SLC26A11: variants seen among roughly 807,000 people sequenced by gnomAD.
SLC26A11 encodes sodium-independent sulfate anion transporter.
In SLC26A11, 58 loss-of-function variants were observed where a neutral mutation model predicts 62.2. The observed-to-expected ratio is 0.93, with a 90% CI of 0.76 to 1.16. The LOEUF is 1.16. SLC26A11 is among the 50% of genes most tolerant of loss of function. SLC26A11 has a pLI of 0.00. For missense variants in SLC26A11, 790 were observed against 794.3 expected, an observed-to-expected ratio of 0.99 and a Z score of 0.06; for synonymous variants, 411 against 368.9, an observed-to-expected ratio of 1.11 and a Z score of -1.31.
intron 7 of SLC26A11, among the ~76,000 whole-genome samples, chr17:80,231,144 TTTTTTTTTTTTTTTCAAAAAAAA>T (rs1196279072): frequency 3.4e-4 from 12 of 35,250 alleles, no homozygotes; most frequent in Middle Eastern, 0.014. Flanking sequence ...CTTTATCCTT[TTTTTTTTTTTTTTTCAAAAAAAA>T]TTTTTTTTTT....
chr17:80,226,015 CA>C lies in SLC26A11; in HGVS notation c.593+102del, dbSNP rs534723272. On this transcript the variant is annotated intron_variant, in intron 6 of 17. Transcript: ENST00000361193. Reference sequence around the variant, plus strand: ...AGTTTCCCCACCCCTGGTGACTGCTCAAACAGGGGTCCCCAGAGCAGCCCCA... The same window carrying C: ...AGTTTCCCCACCCCTGGTGACTGCTCAACAGGGGTCCCCAGAGCAGCCCCA... 467 of 1,078,204 alleles carry C rather than the reference CA, an allele frequency of 4.3e-4. 1 individual carries two copies. The African/African-American group carries it at 6.6e-3, about 15-fold the overall frequency. The allele number at this position is 1,078,204 out of a possible 1,614,324, so 66.8% of individuals were successfully genotyped here.
In SLC26A11 at chr17:80,225,823, C is replaced by CTG. The variant is rs757370379; in HGVS notation, c.514-10_514-9dup. The CTG allele has an allele frequency of 1.2e-5, 20 of 1,612,756 alleles. No individual in the cohort carries two copies. Among genetic ancestry groups the CTG allele is most frequent in the Non-Finnish European group, 1.6e-5 (19 of 1,178,990 alleles). The stretch of plus-strand genomic sequence containing the variant: ...GGAGCATAGCCTCTGATCAGCATCT[C>CTG]TGTGTTTGGACAGAACCTGCTGGGA... On this transcript the variant is annotated splice_polypyrimidine_tract_variant and intron_variant, in intron 5 of 17. Coordinates refer to ENST00000361193, the MANE Select transcript of SLC26A11 (RefSeq NM_001166347.2).
rs2043013089 is a variant in SLC26A11, at chr17:80,246,819, T to C, written c.1294+170T>C. On this transcript the variant is annotated intron_variant, in intron 13 of 17. Transcript: ENST00000361193. This position sits in a 1 kb window ranked among gnomAD's most constrained non-coding sequence, Gnocchi z 4.4. The stretch of plus-strand genomic sequence containing the variant: ...GGCCAGGAGATGGCCCCAGAGATGG[T>C]CCCGAGGCTCAGTGGGAAGAGCTGG... 6.6e-6 allele frequency among the ~76,000 whole-genome samples: 1 copy of C among 152,136 alleles called. No individual in the cohort carries two copies. The highest frequency in any genetic ancestry group is 1.5e-5 in the Non-Finnish European group (1 of 68,020).
At chr17:80,243,449 G>A (rs1300108476) in intron 10 of SLC26A11, among the ~76,000 whole-genome samples, 1 of 151,946 alleles carries the variant, frequency 6.6e-6, no homozygotes, top group Non-Finnish European at 1.5e-5. Context: ...CCAGGCTGGA[G>A]TGCAGTGGCA....
intron 3 of SLC26A11, 123 bp downstream of exon 3, chr17:80,221,917 TAC>T: frequency 9.5e-7 from 1 of 1,048,648 alleles, no homozygotes; most frequent in Non-Finnish European, 1.4e-6. Context: ...ACCTTTGGTT[TAC>T]AGTGTGTGAC....
In SLC26A11 at chr17:80,253,343, C is replaced by G. The variant is rs1352252429; in HGVS notation, c.*627C>G. Reference sequence around the variant, plus strand: ...TGGGTGATCATTCCAGACCCCTCCCCAAACATGCATATGTACCTGTCCGTC... The same window carrying G: ...TGGGTGATCATTCCAGACCCCTCCCGAAACATGCATATGTACCTGTCCGTC... On this transcript the variant is annotated 3_prime_UTR_variant, in exon 18 of 18. Coordinates refer to ENST00000361193, the MANE Select transcript of SLC26A11 (RefSeq NM_001166347.2). 1.3e-5 allele frequency: 2 copies of G among 152,266 alleles called. No individual in the cohort carries two copies. The highest frequency in any genetic ancestry group is 2.9e-5 in the Non-Finnish European group (2 of 68,112). 9.4% of individuals were successfully genotyped at this position (152,266 alleles called of 1,614,324 possible).
Position 80,253,416 on chromosome 17 carries a change from T to C in SLC26A11, c.*700T>C, listed in dbSNP as rs1031668349. 16 of 152,238 alleles carry C rather than the reference T, an allele frequency of 1.1e-4. No individual in the cohort carries two copies. The highest frequency in any genetic ancestry group is 3.9e-4 in the African/African-American group (16 of 41,466). The allele number at this position is 152,238 out of a possible 1,614,324, so 9.4% of individuals were successfully genotyped here. A position where few individuals can be genotyped will look rare whatever the true frequency, so the allele number is the denominator to read the frequency against. Reference sequence around the variant, plus strand: ...GTTCTACATAAATGGGATCATTTTATACATGGTGCTCTGGAACCCACATTT... The same window carrying C: ...GTTCTACATAAATGGGATCATTTTACACATGGTGCTCTGGAACCCACATTT... On this transcript the variant is annotated 3_prime_UTR_variant, in exon 18 of 18. Coordinates refer to ENST00000361193, the MANE Select transcript of SLC26A11 (RefSeq NM_001166347.2).
chr17:80,227,779 G>T (rs778983052), intron 6 of SLC26A11, 39 bp from the exon 7 acceptor site: 1 of 1,595,290 alleles, frequency 6.3e-7, no homozygotes, highest in Non-Finnish European at 8.5e-7. Flanking sequence ...GTAGGCCTGG[G>T]CCGAGCTGGG....
intron 13 of SLC26A11, among the ~76,000 whole-genome samples, chr17:80,247,321 C>G (rs577999402): frequency 2.4e-4 from 37 of 152,204 alleles, no homozygotes; most frequent in Non-Finnish European, 5.1e-4. Flanking sequence ...ACAAAACCGC[C>G]ATTGTCATCA....
At position 80,238,997 on chromosome 17, in the gene SLC26A11, C is replaced by G. The variant is rs530264682; in HGVS notation, c.985+1403C>G. On this transcript the variant is annotated intron_variant, in intron 9 of 17. Coordinates refer to ENST00000361193, the MANE Select transcript of SLC26A11 (RefSeq NM_001166347.2). The stretch of plus-strand genomic sequence containing the variant: ...TGCGCCACCACGCCCAACTAATATT[C>G]TATACTTTTAGTAGAGACAGGGTCT... 6.0e-5 allele frequency among the ~76,000 whole-genome samples: 9 copies of G among 150,538 alleles called. No individual in the cohort carries two copies. In the South Asian group the frequency reaches 1.9e-3, roughly 32 times the overall value.
In SLC26A11 at chr17:80,246,377, C is replaced by A; in HGVS notation, c.1154-132C>A. ...GGGACCACAGGAGACTGAGCAGGGGCTGGGGGCCTTGGCAGTCGTCGCCCT... is the reference window on the plus strand; with the variant it reads ...GGGACCACAGGAGACTGAGCAGGGGATGGGGGCCTTGGCAGTCGTCGCCCT... On this transcript the variant is annotated intron_variant, in intron 12 of 17. Coordinates refer to ENST00000361193, the MANE Select transcript of SLC26A11 (RefSeq NM_001166347.2). The surrounding 1 kb of genome is among the most constrained non-coding windows in gnomAD (Gnocchi z 4.4). 1 of 1,430,458 alleles carries A rather than the reference C, an allele frequency of 7.0e-7. No homozygotes were observed. The highest frequency in any genetic ancestry group is 9.4e-7 in the Non-Finnish European group (1 of 1,059,354). The allele number at this position is 1,430,458 out of a possible 1,614,324, so 88.6% of individuals were successfully genotyped here.
At position 80,246,801 on chromosome 17, in the gene SLC26A11, A is replaced by C; in HGVS notation, c.1294+152A>C. 1.9e-6 allele frequency: 2 copies of C among 1,051,212 alleles called. No individual in the cohort carries two copies. The highest frequency in any genetic ancestry group is 2.7e-6 in the Non-Finnish European group (2 of 733,082). The allele number at this position is 1,051,212 out of a possible 1,614,324, so 65.1% of individuals were successfully genotyped here. A position where few individuals can be genotyped will look rare whatever the true frequency, so the allele number is the denominator to read the frequency against. ...CGGAACAGAGAAGTGGATGGCCAGG[A>C]GATGGCCCCAGAGATGGTCCCGAGG... On this transcript the variant is annotated intron_variant, in intron 13 of 17. Transcript: ENST00000361193. The surrounding 1 kb of genome is among the most constrained non-coding windows in gnomAD (Gnocchi z 4.4).
rs1233621494 is a variant in SLC26A11, at chr17:80,221,744, GCCATTC to G, written c.187_192del (p.Ile63_Pro64del). The G allele has an allele frequency of 3.1e-6, 5 of 1,613,502 alleles. No homozygotes were observed. The Admixed American group carries it at 5.0e-5, about 16-fold the overall frequency. The stretch of plus-strand genomic sequence containing the variant: ...CGCCGGCCTCTCAGTTGGCCTCACT[GCCATTC>G]CCCAGGCGCTGGCCTATGCTGAAGT... On this transcript the variant is annotated inframe_deletion, in exon 3 of 18. Coordinates refer to ENST00000361193, the MANE Select transcript of SLC26A11 (RefSeq NM_001166347.2).
At chr17:80,251,776 A>C (rs1158445811) in intron 17 of SLC26A11, among the ~76,000 whole-genome samples, 1 of 150,788 alleles carries the variant, frequency 6.6e-6, no homozygotes, top group Non-Finnish European at 1.5e-5. Context: ...AAAAAAAAAA[A>C]CAAAAAAAAC....
In SLC26A11 at chr17:80,245,265, C is replaced by CATGT; in HGVS notation, c.1097+9_1097+10insATGT. 1.2e-6 allele frequency: 2 copies of CATGT among 1,613,546 alleles called. No homozygotes were observed. Among genetic ancestry groups the CATGT allele is most frequent in the East Asian group, 2.2e-5 (1 of 44,824 alleles). On this transcript the variant is annotated intron_variant, in intron 11 of 17. Transcript: ENST00000361193. ...ACAGGCAGCTTTGGACGGTGAGTGA[C>CATGT]CTGTCCGCCTCTTCTGTTTGCCCAC...
intron 8 of SLC26A11, 179 bp downstream of exon 8, chr17:80,237,282 C>T: frequency 1.2e-6 from 1 of 845,690 alleles, no homozygotes; most frequent in South Asian, 1.8e-5. Context: ...ACTCAGCGAG[C>T]TCAGGGATGT....
intron 3 of SLC26A11, 193 bp downstream of exon 3, chr17:80,221,987 G>A (rs1036903764): frequency 1.6e-6 from 1 of 616,196 alleles, no homozygotes; most frequent in Non-Finnish European, 2.8e-6. Context: ...CACAGACACT[G>A]AGCTGGTTAT....
chr17:80,222,735 C>A lies in SLC26A11; in HGVS notation c.315C>A (p.Thr105=), dbSNP rs751641074. Residue 105 remains threonine (T), a synonymous_variant, in exon 4 of 18, where the codon ACC becomes ACA. Coordinates refer to ENST00000361193, the MANE Select transcript of SLC26A11 (RefSeq NM_001166347.2). The surrounding 1 kb of genome is among the most constrained non-coding windows in gnomAD (Gnocchi z 4.7). ...GTSRDVTLGP[T]AIMSLLVSFY... ...CCCGGGATGTGACTCTGGGCCCCAC[C>A]GCCATTATGTCCCTCCTGGTCTCCT... 1.2e-5 allele frequency: 19 copies of A among 1,614,176 alleles called. No individual in the cohort carries two copies. Among genetic ancestry groups the A allele is most frequent in the Non-Finnish European group, 1.6e-5 (19 of 1,180,028 alleles).
In SLC26A11 at chr17:80,249,293, T is replaced by C; in HGVS notation, c.1656+6T>C. 1 of 1,609,512 alleles carries C rather than the reference T, an allele frequency of 6.2e-7. No homozygotes were observed. Among genetic ancestry groups the C allele is most frequent in the Non-Finnish European group, 8.5e-7 (1 of 1,179,946 alleles). On this transcript the variant is annotated splice_donor_region_variant and intron_variant, in intron 16 of 17. Transcript: ENST00000361193. ...TGGCCTTTGTGGGCCTGCAGGTGGGTGTGCACTGGGCTGCCTTAGGGGTTA... is the reference window on the plus strand; with the variant it reads ...TGGCCTTTGTGGGCCTGCAGGTGGGCGTGCACTGGGCTGCCTTAGGGGTTA...
Sources: allele counts gnomAD v4.1 joint callset (sites outside exome capture counted in the v4.1 genomes callset), GRCh38; gene constraint gnomAD v4.1.1; non-coding constraint Gnocchi (gnomAD v3.1); transcripts MANE v1.5; gene names NCBI Gene and HGNC (gene_info 2026-07-23, HGNC 2026-07-21).